Variants in IL15 observed in about 807,000 individuals in gnomAD.
The protein encoded by IL15 is interleukin 15.
A neutral mutation model predicts 19.6 loss-of-function variants in IL15; 11 were observed. The ratio of observed to expected loss-of-function variants is 0.56; its 90% confidence interval spans 0.35 to 0.93. The LOEUF is 0.93. IL15 is among the 40% of genes least tolerant of loss of function. The pLI is 0.01. For synonymous variants in IL15, 58 were observed against 59.6 expected, an observed-to-expected ratio of 0.97 and a Z score of 0.12; for missense variants, 197 against 186.5, an observed-to-expected ratio of 1.06 and a Z score of -0.33.
chr4:141,677,386 A>T (rs1728382707), intron 2 of IL15, among the ~76,000 whole-genome samples: 1 of 152,240 alleles, frequency 6.6e-6, no homozygotes, highest in Non-Finnish European at 1.5e-5. Flanking sequence ...TTATTGTAAG[A>T]ATACAGTACC....
chr4:141,658,480 T>C (rs1727680671), intron 2 of IL15, among the ~76,000 whole-genome samples: 4 of 152,106 alleles, frequency 2.6e-5, no homozygotes, highest in Admixed American at 2.6e-4. Flanking sequence ...GACTGAAACT[T>C]CATTATGGGG....
At chr4:141,729,400 C>G (rs963681107) in intron 6 of IL15, among the ~76,000 whole-genome samples, 2 of 152,114 alleles carry the variant, frequency 1.3e-5, no homozygotes, top group African/African-American at 4.8e-5. Context: ...GGAATTACTT[C>G]TCTCCCTCTG....
chr4:141,702,917 G>A (rs1337959076), intron 2 of IL15, among the ~76,000 whole-genome samples: 3 of 152,208 alleles, frequency 2.0e-5, no homozygotes, highest in African/African-American at 7.2e-5. Context: ...CTCCCCTTGG[G>A]TGGGGCCTGC....
intron 2 of IL15, among the ~76,000 whole-genome samples, chr4:141,675,842 C>T (rs1728323142): frequency 6.6e-6 from 1 of 152,160 alleles, no homozygotes; most frequent in Admixed American, 6.6e-5. Context: ...ATTTGTATCT[C>T]ATATCGAAAA....
chr4:141,699,617 A>G (rs1729216506), intron 2 of IL15, among the ~76,000 whole-genome samples: 1 of 152,098 alleles, frequency 6.6e-6, no homozygotes, highest in Non-Finnish European at 1.5e-5. Context: ...GTTGCTTTAA[A>G]GTCTGTTTTG....
chr4:141,670,313 C>A (rs891020990), intron 2 of IL15, among the ~76,000 whole-genome samples: 1 of 152,028 alleles, frequency 6.6e-6, no homozygotes, highest in Non-Finnish European at 1.5e-5. Flanking sequence ...GCCAGCTGTG[C>A]TGGCATCAAG....
intron 1 of IL15, among the ~76,000 whole-genome samples, chr4:141,648,993 A>T (rs1727319288): frequency 6.6e-6 from 1 of 152,122 alleles, no homozygotes; most frequent in Admixed American, 6.5e-5. Flanking sequence ...TTAGGAACTT[A>T]TTGTCTCGTG....
At chr4:141,718,912 T>C (rs1161945149) in intron 2 of IL15, 2 of 152,228 alleles carry the variant, frequency 1.3e-5, no homozygotes, top group African/African-American at 4.8e-5. Context: ...TTTTCTTGGT[T>C]ATAAAATTCT....
intron 2 of IL15, among the ~76,000 whole-genome samples, chr4:141,711,440 C>T (rs11938857): frequency 1.3e-5 from 2 of 151,986 alleles, no homozygotes; most frequent in Admixed American, 1.3e-4. Flanking sequence ...GCTAGTGCAG[C>T]TAAGATGCTG....
At chr4:141,718,540 A>G (rs937914276) in intron 2 of IL15, 3 of 152,212 alleles carry the variant, frequency 2.0e-5, no homozygotes, top group Admixed American at 1.3e-4. Flanking sequence ...AGGTATTTCT[A>G]TTGGATACAC....
At chr4:141,698,995 T>G (rs1360184403) in intron 2 of IL15, among the ~76,000 whole-genome samples, 2 of 152,192 alleles carry the variant, frequency 1.3e-5, no homozygotes, top group African/African-American at 2.4e-5. Flanking sequence ...GCACTGCTTT[T>G]GCTGTATCCC....
chr4:141,728,897 A>G (rs2152193208), intron 6 of IL15, among the ~76,000 whole-genome samples: 1 of 152,192 alleles, frequency 6.6e-6, no homozygotes, highest in Non-Finnish European at 1.5e-5. Context: ...TTTTTGCAAG[A>G]AGATAACTTT....
intron 1 of IL15, among the ~76,000 whole-genome samples, chr4:141,638,814 C>T (rs1370287124): frequency 6.6e-6 from 1 of 152,160 alleles, no homozygotes; most frequent in African/African-American, 2.4e-5. Context: ...GGATTTTTCT[C>T]AGGAAAATAT....
In IL15 at chr4:141,650,693, C is replaced by T. The variant is rs375946599; in HGVS notation, c.-221-5493C>T. ...AGAGAAAATCCCTTTGGTGTTGAAT[C>T]TGGTGGTTCAGGAAACCAACATAAC... On this transcript the variant is annotated intron_variant, in intron 1 of 7. Coordinates refer to ENST00000320650, the MANE Select transcript of IL15 (RefSeq NM_000585.5). Among the ~76,000 whole-genome samples the T allele has an allele frequency of 3.3e-4, 50 of 152,086 alleles. No individual in the cohort carries two copies. The South Asian group carries it at 0.01, about 31-fold the overall frequency.
At position 141,720,538 on chromosome 4, in the gene IL15, G is replaced by C; in HGVS notation, c.82G>C (p.Glu28Gln). The change falls in exon 4 of 8, where the codon GAA becomes CAA. Residue 28 changes from glutamate to glutamine, a missense_variant. Coordinates refer to ENST00000320650, the MANE Select transcript of IL15 (RefSeq NM_000585.5). The stretch of plus-strand genomic sequence containing the variant: ...ACTTCTAAACAGTCATTTTCTAACT[G>C]AAGCTGGCATTCATGTCTTCATTTT... Reference protein sequence around the residue: ...CLLLNSHFLTEAGIHVFILGC... With the variant: ...CLLLNSHFLTQAGIHVFILGC... The C allele has an allele frequency of 6.3e-7, 1 of 1,585,438 alleles. No individual in the cohort carries two copies. The highest frequency in any genetic ancestry group is 8.7e-7 in the Non-Finnish European group (1 of 1,154,414).
intron 2 of IL15, among the ~76,000 whole-genome samples, chr4:141,658,131 T>C (rs1727669235): frequency 6.6e-6 from 1 of 152,156 alleles, no homozygotes; most frequent in Non-Finnish European, 1.5e-5. Flanking sequence ...GCTGTTCTCA[T>C]GATAGTGAGT....
At chr4:141,643,642 A>G (rs551805528) in intron 1 of IL15, among the ~76,000 whole-genome samples, 1 of 152,102 alleles carries the variant, frequency 6.6e-6, no homozygotes, top group African/African-American at 2.4e-5. Flanking sequence ...TACCAGCAAC[A>G]ATTTCAGTCT....
chr4:141,642,376 A>G (rs1209564448), intron 1 of IL15, among the ~76,000 whole-genome samples: 5 of 152,312 alleles, frequency 3.3e-5, no homozygotes, highest in African/African-American at 7.2e-5. Context: ...GTCTATGTCC[A>G]CAAAGCCCTG....
chr4:141,671,475 T>TA (rs1728173844), intron 2 of IL15, among the ~76,000 whole-genome samples: 1 of 152,208 alleles, frequency 6.6e-6, no homozygotes, highest in African/African-American at 2.4e-5. Flanking sequence ...TTTAGTGTCT[T>TA]AAAATCACAA....
Sources: allele counts gnomAD v4.1 joint callset (sites outside exome capture counted in the v4.1 genomes callset), GRCh38; gene constraint gnomAD v4.1.1; transcripts MANE v1.5; gene names NCBI Gene and HGNC (gene_info 2026-07-23, HGNC 2026-07-21).